HOXB3: variants seen among roughly 807,000 people sequenced by gnomAD.
The protein encoded by HOXB3 is homeobox protein Hox-B3.
HOXB3 carries 17 observed loss-of-function variants against 29.2 expected under a neutral mutation model. The observed-to-expected ratio is 0.58, with a 90% CI of 0.40 to 0.87. The LOEUF is 0.87. Among genes scored for constraint, HOXB3 ranks in the 40% least tolerant of loss-of-function variants. HOXB3 has a pLI of 0.00. For synonymous variants in HOXB3, 317 were observed against 285.9 expected (o/e 1.11, Z -1.10); for missense variants, 637 against 616.3 (o/e 1.03, Z -0.35).
chr17:48,550,825 TGGGCTGCGGG>T lies in HOXB3; in HGVS notation c.795_804del (p.Pro266CysfsTer8), dbSNP rs2068703684. 12 of 1,613,548 alleles carry T rather than the reference TGGGCTGCGGG, an allele frequency of 7.4e-6. No homozygotes were observed. Among genetic ancestry groups the T allele is most frequent in the African/African-American group, 2.7e-5 (2 of 74,824 alleles). On this transcript the variant is annotated frameshift_variant, in exon 5 of 5. Coordinates refer to ENST00000498678, the MANE Select transcript of HOXB3 (RefSeq NM_001384749.1). LOFTEE classifies it high-confidence loss of function. ...TTCATGAAGCCGGCCGTGGACTGCA[TGGGCTGCGGG>T]GGGCTGCCGGCTGGAGATGGGCCCC...
chr17:48,588,829 G>A (rs2070094043), intron 1 of HOXB3, among the ~76,000 whole-genome samples: 1 of 152,192 alleles, frequency 6.6e-6, no homozygotes, highest in Non-Finnish European at 1.5e-5. Flanking sequence ...GTGGCTTCAG[G>A]AGAAAGAGGA....
At chr17:48,588,112 G>A (rs892776614) in intron 1 of HOXB3, among the ~76,000 whole-genome samples, 4 of 152,232 alleles carry the variant, frequency 2.6e-5, no homozygotes, top group Admixed American at 6.5e-5. Context: ...CTGGGGCAGA[G>A]GAGAGAGTTC....
intron 1 of HOXB3, among the ~76,000 whole-genome samples, chr17:48,585,988 G>T (rs2070038902): frequency 6.6e-6 from 1 of 152,202 alleles, no homozygotes; most frequent in Non-Finnish European, 1.5e-5. Context: ...ACCCCACCGG[G>T]CTCCGAGGTC....
chr17:48,571,601 C>A (rs1184973025), intron 2 of HOXB3, among the ~76,000 whole-genome samples: 2 of 152,222 alleles, frequency 1.3e-5, no homozygotes, highest in Non-Finnish European at 2.9e-5. Context: ...GGGCCCTAAT[C>A]CTCACATTGC....
chr17:48,550,414 T>C lies in HOXB3; in HGVS notation c.1216A>G (p.Thr406Ala). The part of the protein sequence containing the change: ...QHHGPCEPHP[T>A]YTDLSSHHAP... ...TGGTGAGAGGAGAGGTCTGTGTAGG[T>C]GGGGTGGGGTTCGCAGGGTCCGTGG... The change falls in exon 5 of 5, where the codon ACC becomes GCC. Residue 406 changes from threonine (T) to alanine (A), a missense_variant. Coordinates refer to ENST00000498678, the MANE Select transcript of HOXB3 (RefSeq NM_001384749.1). 2 of 1,613,684 alleles carry C rather than the reference T, an allele frequency of 1.2e-6. No individual in the cohort carries two copies. The highest frequency in any genetic ancestry group is 1.7e-6 in the Non-Finnish European group (2 of 1,179,918).
intron 2 of HOXB3, chr17:48,557,373 C>T (rs1252997146): frequency 6.6e-6 from 1 of 152,258 alleles, no homozygotes; most frequent in Admixed American, 6.5e-5. Flanking sequence ...GAGTTGATTT[C>T]CAGCTTTTGT....
Position 48,555,433 on chromosome 17 carries a change from A to G in HOXB3, c.-159+98T>C, listed in dbSNP as rs1269273497. 4.3e-6 allele frequency: 3 copies of G among 694,794 alleles called. No homozygotes were observed. In the African/African-American group the frequency reaches 5.4e-5, roughly 12 times the overall value. 43.0% of individuals were successfully genotyped at this position (694,794 alleles called of 1,614,324 possible). A position where few individuals can be genotyped will look rare whatever the true frequency, so the allele number is the denominator to read the frequency against. On this transcript the variant is annotated intron_variant, in intron 3 of 4. Transcript: ENST00000498678. ...GTGGAAGGAAGCTTAAAGCTTGTGA[A>G]CTCTTCTTGAACCGAGATTGGAGTC...
chr17:48,577,878 C>T (rs767354189), intron 1 of HOXB3: 3 of 1,396,840 alleles, frequency 2.1e-6, no homozygotes, highest in Non-Finnish European at 2.8e-6. Context: ...CTCACGTGAA[C>T]TTTGCGCATC....
Position 48,550,409 on chromosome 17 carries a change from G to A in HOXB3, c.1221C>T (p.Tyr407=), listed in dbSNP as rs1203269414. 1 of 1,614,112 alleles carries A rather than the reference G, an allele frequency of 6.2e-7. No individual in the cohort carries two copies. The highest frequency in any genetic ancestry group is 1.1e-5 in the South Asian group (1 of 91,086). ...GCGCGTGGTGAGAGGAGAGGTCTGT[G>A]TAGGTGGGGTGGGGTTCGCAGGGTC... ...HHGPCEPHPT[Y]TDLSSHHAPP... Residue 407 remains tyrosine (Y), a synonymous_variant, in exon 5 of 5, where the codon TAC becomes TAT. Coordinates refer to ENST00000498678, the MANE Select transcript of HOXB3 (RefSeq NM_001384749.1).
chr17:48,586,112 AC>A (rs1425970313), intron 1 of HOXB3, among the ~76,000 whole-genome samples: 2 of 152,252 alleles, frequency 1.3e-5, no homozygotes, highest in East Asian at 3.8e-4. Context: ...CAGACTGGGA[AC>A]TGTTTCCGGG....
chr17:48,556,142 G>GA (rs1220698944), intron 2 of HOXB3, among the ~76,000 whole-genome samples: 2 of 106,784 alleles, frequency 1.9e-5, no homozygotes, highest in Non-Finnish European at 4.6e-5. Flanking sequence ...AAAGAAGGAG[G>GA]GTTTTTTTTT....
In HOXB3 at chr17:48,552,476, G is replaced by T. The variant is rs761484045; in HGVS notation, c.-2C>A. ...GTCGTAGTAGGTGGCTTTCTGCATCGCTGGGTGAGGCCTGGGCAGTGGGTG... is the reference window on the plus strand; with the variant it reads ...GTCGTAGTAGGTGGCTTTCTGCATCTCTGGGTGAGGCCTGGGCAGTGGGTG... On this transcript the variant is annotated 5_prime_UTR_variant, in exon 4 of 5. Coordinates refer to ENST00000498678, the MANE Select transcript of HOXB3 (RefSeq NM_001384749.1). The T allele has an allele frequency of 2.6e-6, 4 of 1,561,284 alleles. No homozygotes were observed. The highest frequency in any genetic ancestry group is 1.4e-5 in the African/African-American group (1 of 73,902).
intron 1 of HOXB3, among the ~76,000 whole-genome samples, chr17:48,583,378 G>A (rs1267835633): frequency 6.6e-6 from 1 of 152,184 alleles, no homozygotes; most frequent in East Asian, 1.9e-4. Flanking sequence ...AGATCAAGAA[G>A]GCATTTAAAA....
At chr17:48,558,721 A>G (rs781645270) in intron 2 of HOXB3, among the ~76,000 whole-genome samples, 19 of 151,978 alleles carry the variant, frequency 1.3e-4, no homozygotes, top group Non-Finnish European at 2.5e-4. Context: ...GAGGAGTTTG[A>G]GCAGGGAACT....
At chr17:48,551,978 T>A (rs765482226) in intron 4 of HOXB3, 49 bp downstream of exon 4, 1 of 1,507,410 alleles carries the variant, frequency 6.6e-7, no homozygotes, top group Non-Finnish European at 8.9e-7. Flanking sequence ...AACAGTGACA[T>A]TCCTGGCTCC....
intron 2 of HOXB3, among the ~76,000 whole-genome samples, chr17:48,566,798 C>G (rs1003085966): frequency 6.6e-6 from 1 of 152,174 alleles, no homozygotes; most frequent in Non-Finnish European, 1.5e-5. Flanking sequence ...TCTGGACCAC[C>G]GGTTTGAGGG....
At chr17:48,589,061 G>A (rs976433363) in intron 1 of HOXB3, among the ~76,000 whole-genome samples, 1 of 152,134 alleles carries the variant, frequency 6.6e-6, no homozygotes, top group African/African-American at 2.4e-5. Context: ...ATTTGGTGGG[G>A]AAGAAGCCTC....
intron 1 of HOXB3, chr17:48,576,013 T>C (rs536846720): frequency 6.6e-6 from 1 of 152,424 alleles, no homozygotes; most frequent in African/African-American, 2.4e-5. Flanking sequence ...CTTCCCTACT[T>C]GCTCCCCTCC....
At chr17:48,552,847 G>A (rs561993058) in intron 3 of HOXB3, 3 of 200,524 alleles carry the variant, frequency 1.5e-5, no homozygotes, top group African/African-American at 6.9e-5. Flanking sequence ...AGACTGCCTA[G>A]ATGTAGAATC....
Sources: allele counts gnomAD v4.1 joint callset (sites outside exome capture counted in the v4.1 genomes callset), GRCh38; gene constraint gnomAD v4.1.1; transcripts MANE v1.5; gene names NCBI Gene and HGNC (gene_info 2026-07-23, HGNC 2026-07-21).